The following ESCO1 variants were observed in gnomAD, a reference collection of about 807,000 sequenced individuals.
ESCO1 encodes establishment of sister chromatid cohesion N-acetyltransferase 1, also known as N-acetyltransferase ESCO1.
ESCO1 carries 33 observed loss-of-function variants against 83.5 expected under a neutral mutation model. The observed-to-expected ratio is 0.40, with a 90% CI of 0.30 to 0.53. ESCO1 has a LOEUF of 0.53. ESCO1 is among the 20% of genes least tolerant of loss of function. The pLI, the probability that ESCO1 is intolerant of heterozygous loss-of-function variation, is 0.63. For missense variants in ESCO1, 855 were observed against 968.0 expected, an observed-to-expected ratio of 0.88 and a Z score of 1.55; for synonymous variants, 332 against 324.3, an observed-to-expected ratio of 1.02 and a Z score of -0.25.
At chr18:21,558,910 C>T (rs2038147572) in intron 8 of ESCO1, among the ~76,000 whole-genome samples, 2 of 152,040 alleles carry the variant, frequency 1.3e-5, no homozygotes, top group Admixed American at 6.6e-5. Context: ...ACAAACCTAA[C>T]AGATAAAATT....
chr18:21,553,484 T>C (rs76133064), intron 8 of ESCO1, among the ~76,000 whole-genome samples: 3 of 144,774 alleles, frequency 2.1e-5, no homozygotes, highest in Admixed American at 1.4e-4. Context: ...AAATTTTTTT[T>C]GAAAAAGATA....
Position 21,575,063 on chromosome 18 carries a change from CACTT to C in ESCO1, c.-224_-221del, listed in dbSNP as rs2038401339. ...AAAAGCTGGCATGAATGCTAAAAGACACTTGCTTTACTTTGGACAAGGTAATAAA... is the reference window on the plus strand; with the variant it reads ...AAAAGCTGGCATGAATGCTAAAAGACGCTTTACTTTGGACAAGGTAATAAA... On this transcript the variant is annotated 5_prime_UTR_variant, in exon 4 of 12. Coordinates refer to ENST00000269214, the MANE Select transcript of ESCO1 (RefSeq NM_052911.3). 2 of 409,632 alleles carry C rather than the reference CACTT, an allele frequency of 4.9e-6. No individual in the cohort carries two copies. Among genetic ancestry groups the C allele is most frequent in the Non-Finnish European group, 8.6e-6 (2 of 233,350 alleles). The allele number at this position is 409,632 out of a possible 1,614,324, so 25.4% of individuals were successfully genotyped here.
rs570095094 is a variant in ESCO1 at position 21,579,956 on chromosome 18, C to T, written c.-693-4179G>A. 1.5e-4 allele frequency among the ~76,000 whole-genome samples: 23 copies of T among 149,664 alleles called. No individual in the cohort carries two copies. In the South Asian group the frequency reaches 1.9e-3, roughly 12 times the overall value. On this transcript the variant is annotated intron_variant, in intron 2 of 11. Transcript: ENST00000269214. ...TATTGCTCAGGCTGGAGTGCAGTGG[C>T]GCAATCTTGGCTCACTGCAACCTCC...
intron 8 of ESCO1, 29 bp downstream of exon 8, chr18:21,560,830 G>C (rs1369741490): frequency 6.3e-7 from 1 of 1,589,176 alleles, no homozygotes; most frequent in Admixed American, 1.9e-5. Flanking sequence ...TCTGATTTTT[G>C]CATTTTAGAA....
At chr18:21,549,809 A>G (rs939604803) in intron 8 of ESCO1, among the ~76,000 whole-genome samples, 3 of 151,972 alleles carry the variant, frequency 2.0e-5, no homozygotes, top group Non-Finnish European at 4.4e-5. Context: ...TCTACTAAAA[A>G]TACAAAAATT....
chr18:21,540,012 AG>A lies in ESCO1; in HGVS notation c.1954-4del. On this transcript the variant is annotated splice_polypyrimidine_tract_variant and splice_region_variant and intron_variant, in intron 8 of 11. Transcript: ENST00000269214. ...AGAATTCTTTCTTTCTTCCAGCCCT[AG>A]ATATATATATATATATATACACACA... 6.8e-7 allele frequency: 1 copy of A among 1,465,710 alleles called. No individual in the cohort carries two copies. Among genetic ancestry groups the A allele is most frequent in the Non-Finnish European group, 9.1e-7 (1 of 1,101,298 alleles). 90.8% of individuals were successfully genotyped at this position (1,465,710 alleles called of 1,614,324 possible). A position where few individuals can be genotyped will look rare whatever the true frequency, so the allele number is the denominator to read the frequency against.
intron 8 of ESCO1, among the ~76,000 whole-genome samples, chr18:21,543,301 T>A (rs1319342143): frequency 6.6e-6 from 1 of 152,148 alleles, no homozygotes; most frequent in East Asian, 1.9e-4. Flanking sequence ...ATCACAGGCA[T>A]GTGCCACCAC....
Position 21,566,156 on chromosome 18 carries a change from T to G in ESCO1, c.1696A>C (p.Ser566Arg). The G allele has an allele frequency of 3.1e-6, 5 of 1,612,850 alleles. No individual in the cohort carries two copies. The highest frequency in any genetic ancestry group is 4.2e-6 in the Non-Finnish European group (5 of 1,179,450). The stretch of plus-strand genomic sequence containing the variant: ...TAATTAATAGCTTACCTGTTATCAC[T>G]GCTTTTAGATGTCTGGTTACTGAGA... Reference protein sequence around the residue: ...SILSNQTSKSSDNRETPRNHS... With the variant: ...SILSNQTSKSRDNRETPRNHS... The change falls in exon 6 of 12, where the codon AGT (serine) becomes CGT (arginine). Residue 566 changes from serine to arginine, a missense_variant. Coordinates refer to ENST00000269214, the MANE Select transcript of ESCO1 (RefSeq NM_052911.3).
chr18:21,568,029 C>T lies in ESCO1; in HGVS notation c.1596G>A (p.Ser532=), dbSNP rs138826144. 419 of 1,613,824 alleles carry T rather than the reference C, an allele frequency of 2.6e-4. 1 individual carries two copies. The African/African-American group carries it at 4.8e-3, about 18-fold the overall frequency. ...NSPVENVTAA[S]TLLSQAKIDT... is the part of the protein sequence containing the mutation. ...CAATTTTTGCTTGACTGAGCAGAGTCGAAGCAGCAGTAACATTTTCCACTG... is the reference window on the plus strand; with the variant it reads ...CAATTTTTGCTTGACTGAGCAGAGTTGAAGCAGCAGTAACATTTTCCACTG... Residue 532 remains serine (S), a synonymous_variant, in exon 5 of 12, where the codon TCG becomes TCA. Transcript: ENST00000269214.
At chr18:21,566,659 G>A (rs1234209772) in intron 5 of ESCO1, among the ~76,000 whole-genome samples, 1 of 152,078 alleles carries the variant, frequency 6.6e-6, no homozygotes, top group Non-Finnish European at 1.5e-5. Flanking sequence ...TCAGGAGTTC[G>A]AGACCAGCCT....
chr18:21,570,850 G>A (rs996487013), intron 4 of ESCO1, among the ~76,000 whole-genome samples: 6 of 152,022 alleles, frequency 3.9e-5, no homozygotes, highest in Non-Finnish European at 7.4e-5. Flanking sequence ...GGTGGCAGGC[G>A]CCTGTAGTCT....
intron 11 of ESCO1, 49 bp downstream of exon 11, chr18:21,532,424 C>G: frequency 6.5e-7 from 1 of 1,547,664 alleles, no homozygotes; most frequent in Non-Finnish European, 8.8e-7. Context: ...AAAGCTCTGC[C>G]TAAGTCCTAA....
At chr18:21,587,150 T>A (rs2038593493) in intron 1 of ESCO1, among the ~76,000 whole-genome samples, 1 of 152,212 alleles carries the variant, frequency 6.6e-6, no homozygotes, top group Non-Finnish European at 1.5e-5. Context: ...AATATTTAGT[T>A]GAGGATTTGT....
intron 11 of ESCO1, among the ~76,000 whole-genome samples, chr18:21,531,314 T>C (rs1398039290): frequency 6.6e-6 from 1 of 152,140 alleles, no homozygotes; most frequent in Non-Finnish European, 1.5e-5. Context: ...CACATGGCTA[T>C]GGTCTCAGCT....
intron 2 of ESCO1, among the ~76,000 whole-genome samples, chr18:21,582,341 C>T (rs554934784): frequency 4.0e-5 from 6 of 151,808 alleles, no homozygotes; most frequent in East Asian, 1.9e-4. Context: ...GCGAGTCTCC[C>T]GCCTCAGCCT....
At chr18:21,546,546 A>AATTTAATTTAAT (rs2037976310) in intron 8 of ESCO1, among the ~76,000 whole-genome samples, 1 of 152,110 alleles carries the variant, frequency 6.6e-6, no homozygotes, top group Non-Finnish European at 1.5e-5. Flanking sequence ...TTGTTTTAGT[A>AATTTAATTTAAT]GGTTTTGGTT....
At chr18:21,590,517 G>A (rs973211575) in intron 1 of ESCO1, among the ~76,000 whole-genome samples, 1 of 151,868 alleles carries the variant, frequency 6.6e-6, no homozygotes, top group Non-Finnish European at 1.5e-5. Context: ...ACCGCACCCA[G>A]TCATGAACCC....
At chr18:21,570,408 A>C (rs1223092474) in intron 4 of ESCO1, among the ~76,000 whole-genome samples, 1 of 152,178 alleles carries the variant, frequency 6.6e-6, no homozygotes. Context: ...CCAAGGTGAA[A>C]GTCTTTTCAT....
intron 8 of ESCO1, among the ~76,000 whole-genome samples, chr18:21,551,314 C>CA (rs1208363427): frequency 7.3e-5 from 11 of 151,720 alleles, no homozygotes; most frequent in Non-Finnish European, 1.3e-4. Context: ...ACTAAAAATA[C>CA]AAAAAATTAG....
Sources: gnomAD v4.1 joint callset for allele counts (sites outside exome capture counted in the v4.1 genomes callset) on GRCh38, gnomAD v4.1.1 for gene constraint, MANE v1.5 for transcripts, NCBI Gene and HGNC (gene_info 2026-07-23, HGNC 2026-07-21) for gene names.